TAOK1: variants seen among roughly 807,000 people sequenced by gnomAD.
The protein encoded by TAOK1 is serine/threonine-protein kinase TAO1.
In TAOK1, 21 loss-of-function variants were observed where a neutral mutation model predicts 138.3. The ratio of observed to expected loss-of-function variants is 0.15; its 90% CI spans 0.11 to 0.22. The LOEUF is 0.22. Among genes scored for constraint, TAOK1 ranks in the 10% least tolerant of loss-of-function variants. TAOK1 has a pLI of 1.00. For synonymous variants in TAOK1, 361 were observed against 398.4 expected, an observed-to-expected ratio of 0.91 and a Z score of 1.12; for missense variants, 651 against 1,227.7, an observed-to-expected ratio of 0.53 and a Z score of 7.02.
rs2032389092 is a variant in TAOK1, at chr17:29,545,544, A to G, written c.*2522A>G. 1 of 152,162 alleles carries G rather than the reference A, an allele frequency of 6.6e-6. No individual in the cohort carries two copies. The highest frequency in any genetic ancestry group is 1.5e-5 in the Non-Finnish European group (1 of 68,016). 9.4% of individuals were successfully genotyped at this position (152,162 alleles called of 1,614,324 possible). The stretch of plus-strand genomic sequence containing the variant: ...GGTTTTGTATCTAATGTATTTGGCC[A>G]CCAGTTTTACATGTAGGTCATGACT... On this transcript the variant is annotated 3_prime_UTR_variant, in exon 20 of 20. Transcript: ENST00000261716.
At chr17:29,510,390 T>A (rs1164057145) in intron 14 of TAOK1, among the ~76,000 whole-genome samples, 1 of 152,000 alleles carries the variant, frequency 6.6e-6, no homozygotes, top group African/African-American at 2.4e-5. Flanking sequence ...AATAATAATT[T>A]TAAAAAAAGA....
intron 11 of TAOK1, among the ~76,000 whole-genome samples, chr17:29,497,102 T>C (rs1440452818): frequency 2.0e-5 from 3 of 151,680 alleles, no homozygotes; most frequent in African/African-American, 7.2e-5. Context: ...TTAAGTATAT[T>C]ATGTGTAAAG....
intron 1 of TAOK1, among the ~76,000 whole-genome samples, chr17:29,391,424 G>C (rs1904423060): frequency 6.6e-6 from 1 of 152,074 alleles, no homozygotes; most frequent in South Asian, 2.1e-4. Flanking sequence ...TGGCTTGCTG[G>C]GTGGATTCCA....
At position 29,542,855 on chromosome 17, in the gene TAOK1, C is replaced by T; in HGVS notation, c.2839C>T (p.Pro947Ser). ...AGGTGGACCCCAGCCATGGGGTCACCCTTCAGGGCCAATGCAAGGGGTACC... is the reference window on the plus strand; with the variant it reads ...AGGTGGACCCCAGCCATGGGGTCACTCTTCAGGGCCAATGCAAGGGGTACC... ...MQGGPQPWGH[P>S]SGPMQGVPRG... The change falls in exon 20 of 20, where the codon CCT (proline) becomes TCT (serine). Residue 947 changes from proline to serine, a missense_variant. This residue lies in a region of TAOK1 where 108 missense variants were observed against 120.3 expected (regional missense o/e 0.90). Transcript: ENST00000261716. The T allele has an allele frequency of 6.2e-7, 1 of 1,613,974 alleles. No homozygotes were observed. The highest frequency in any genetic ancestry group is 1.3e-5 in the African/African-American group (1 of 74,994).
intron 1 of TAOK1, among the ~76,000 whole-genome samples, chr17:29,435,927 G>A (rs1308548420): frequency 3.3e-5 from 5 of 152,130 alleles, no homozygotes; most frequent in Admixed American, 6.5e-5. Context: ...TCAGGAGTTC[G>A]AGACCAGCCT....
rs756250309 is a variant in TAOK1 at position 29,489,632 on chromosome 17, A to G, written c.656-32A>G. On this transcript the variant is annotated intron_variant, in intron 8 of 19. Coordinates refer to ENST00000261716, the MANE Select transcript of TAOK1 (RefSeq NM_020791.4). ...CAGGACTTGAGTACCCCTGGAACCT[A>G]TTTTAACAGGAATGTTTCCTTTCTT... 23 of 1,519,570 alleles carry G rather than the reference A, an allele frequency of 1.5e-5. No homozygotes were observed. In the East Asian group the frequency reaches 4.9e-4, roughly 32 times the overall value. 94.1% of individuals were successfully genotyped at this position (1,519,570 alleles called of 1,614,324 possible).
chr17:29,482,118 T>C (rs1181136161), intron 7 of TAOK1, 79 bp from the exon 8 acceptor site: 2 of 1,027,636 alleles, frequency 1.9e-6, no homozygotes, highest in Non-Finnish European at 2.9e-6. Flanking sequence ...GTGATCTCCA[T>C]GTAGATGACT....
intron 16 of TAOK1, among the ~76,000 whole-genome samples, chr17:29,519,655 A>G (rs1438733810): frequency 6.6e-6 from 1 of 152,238 alleles, no homozygotes; most frequent in East Asian, 1.9e-4. Context: ...TAATAAATTC[A>G]AATTAAAACA....
At chr17:29,482,109 T>G in intron 7 of TAOK1, 88 bp from the exon 8 acceptor site, 1 of 913,990 alleles carries the variant, frequency 1.1e-6, no homozygotes, top group Non-Finnish European at 1.7e-6. Flanking sequence ...TTCAAACCAG[T>G]GATCTCCATG....
intron 1 of TAOK1, among the ~76,000 whole-genome samples, chr17:29,441,680 T>C (rs1567719350): frequency 6.6e-6 from 1 of 152,128 alleles, no homozygotes; most frequent in Non-Finnish European, 1.5e-5. Flanking sequence ...GGCAGGTGGA[T>C]CACGAGGTGA....
intron 1 of TAOK1, among the ~76,000 whole-genome samples, chr17:29,401,489 T>G (rs955507969): frequency 6.6e-6 from 1 of 152,026 alleles, no homozygotes; most frequent in African/African-American, 2.4e-5. Flanking sequence ...CTTTCCACTT[T>G]CCAACAACAG....
At chr17:29,530,719 C>A in intron 18 of TAOK1, 100 bp downstream of exon 18, 1 of 991,022 alleles carries the variant, frequency 1.0e-6, no homozygotes, top group East Asian at 2.4e-5. Context: ...GAAATGATAG[C>A]TCTCCTGAAG....
chr17:29,429,249 G>A (rs1905748515), intron 1 of TAOK1, among the ~76,000 whole-genome samples: 1 of 151,962 alleles, frequency 6.6e-6, no homozygotes, highest in African/African-American at 2.4e-5. Context: ...AAAGAAGATA[G>A]TACAGAGTTC....
At chr17:29,488,415 A>T (rs1007918887) in intron 8 of TAOK1, among the ~76,000 whole-genome samples, 22 of 126,394 alleles carry the variant, frequency 1.7e-4, no homozygotes, top group African/African-American at 5.7e-4. Context: ...TACTAAACAT[A>T]TAAAATTAGC....
Position 29,538,623 on chromosome 17 carries a change from A to C in TAOK1, c.2545-3938A>C, listed in dbSNP as rs959472547. 5.3e-5 allele frequency among the ~76,000 whole-genome samples: 8 copies of C among 152,282 alleles called. No homozygotes were observed. The East Asian group carries it at 1.4e-3, about 26-fold the overall frequency. On this transcript the variant is annotated intron_variant, in intron 19 of 19. Transcript: ENST00000261716. Reference sequence around the variant, plus strand: ...AAGGAGACATCTGAAAATAAATAGAAATGGAACTGGAGTGAATGTTAGTTG... The same window carrying C: ...AAGGAGACATCTGAAAATAAATAGACATGGAACTGGAGTGAATGTTAGTTG...
At chr17:29,453,921 A>C (rs1598487344) in intron 2 of TAOK1, among the ~76,000 whole-genome samples, 2 of 140,538 alleles carry the variant, frequency 1.4e-5, no homozygotes, top group Non-Finnish European at 3.1e-5. Flanking sequence ...TGTTCCTCCC[A>C]CCTCAGCCTC....
Position 29,444,740 on chromosome 17 carries a change from A to G in TAOK1, c.-94-6715A>G, listed in dbSNP as rs546296877. ...TTGTGTTGAATCTATGAATCATTGA[A>G]TTTTTGGATCAGTTAGAAGAGAATT... On this transcript the variant is annotated intron_variant, in intron 1 of 19. Transcript: ENST00000261716. Among the ~76,000 whole-genome samples, 17 of 152,316 alleles carry G rather than the reference A, an allele frequency of 1.1e-4. No homozygotes were observed. In the South Asian group the frequency reaches 3.3e-3, roughly 30 times the overall value.
chr17:29,483,714 C>T (rs1178483613), intron 8 of TAOK1, among the ~76,000 whole-genome samples: 1 of 147,144 alleles, frequency 6.8e-6, no homozygotes, highest in African/African-American at 2.7e-5. Flanking sequence ...ACAACATCAA[C>T]AAACAGAGAT....
At chr17:29,484,212 G>A (rs1346450153) in intron 8 of TAOK1, among the ~76,000 whole-genome samples, 1 of 152,090 alleles carries the variant, frequency 6.6e-6, no homozygotes, top group Non-Finnish European at 1.5e-5. Context: ...CTTTAGATGT[G>A]ACTGCCTTTA....
Sources: gnomAD v4.1 joint callset for allele counts (sites outside exome capture counted in the v4.1 genomes callset) on GRCh38, gnomAD v4.1.1 for gene constraint, gnomAD v4.1.1 regional missense constraint, MANE v1.5 for transcripts, NCBI Gene and HGNC (gene_info 2026-07-23, HGNC 2026-07-21) for gene names.